SORCS3: variants seen among roughly 807,000 people sequenced by gnomAD.
SORCS3 encodes VPS10 domain-containing receptor SorCS3.
A neutral mutation model predicts 146.3 loss-of-function variants in SORCS3; 57 were observed. The observed-to-expected ratio is 0.39, with a 90% CI of 0.31 to 0.49. The LOEUF (loss-of-function observed/expected upper bound fraction) is 0.49. SORCS3 is among the 20% of genes least tolerant of loss of function. The probability of loss-of-function intolerance (pLI) is 0.92; values close to 1 mark genes in which losing one functional copy is unlikely to be tolerated. For missense variants in SORCS3, 1,341 were observed against 1,575.5 expected (o/e 0.85, Z 2.52); for synonymous variants, 653 against 618.5 (o/e 1.06, Z -0.83).
At chr10:104,643,709 G>GGTGTGTGTGT (rs3069967) in intron 1 of SORCS3, among the ~76,000 whole-genome samples, 2,109 of 144,652 alleles carry the variant, frequency 0.015, 35 homozygotes, top group African/African-American at 0.028. Context: ...TGATAATTAG[G>GGTGTGTGTGT]GTGTGTGTGT....
intron 11 of SORCS3, among the ~76,000 whole-genome samples, chr10:105,163,699 T>G (rs144798404): frequency 8.3e-4 from 127 of 152,278 alleles, no homozygotes; most frequent in Admixed American, 3.6e-3. Context: ...GGTCTAGGCA[T>G]AAGCCAGGTG....
chr10:105,242,504 A>ATATACATTTATATATTTATATACATT (rs1564793556), intron 20 of SORCS3, among the ~76,000 whole-genome samples: 6 of 87,346 alleles, frequency 6.9e-5, no homozygotes, highest in African/African-American at 1.4e-4. Context: ...ATATATATTT[A>ATATACATTTATATATTTATATACATT]TATATATTTA....
intron 20 of SORCS3, among the ~76,000 whole-genome samples, chr10:105,242,745 T>C (rs1251180137): frequency 9.5e-6 from 1 of 105,220 alleles, no homozygotes; most frequent in Non-Finnish European, 1.7e-5. Flanking sequence ...TTTATATATT[T>C]ATATATATTT....
In SORCS3 at chr10:105,201,330, A is replaced by T. The variant is rs928703849; in HGVS notation, c.2261+77A>T. On this transcript the variant is annotated intron_variant, in intron 16 of 26. Transcript: ENST00000369701. ...GTGGGGTGGGGTGGGGTGAAGATGAAGTTAGGAGAGGAAGCATGACGCAGA... is the reference window on the plus strand; with the variant it reads ...GTGGGGTGGGGTGGGGTGAAGATGATGTTAGGAGAGGAAGCATGACGCAGA... 1.3e-5 allele frequency: 19 copies of T among 1,509,254 alleles called. No homozygotes were observed. The Admixed American group carries it at 3.6e-4, about 29-fold the overall frequency. The allele number at this position is 1,509,254 out of a possible 1,614,324, so 93.5% of individuals were successfully genotyped here.
chr10:104,943,357 C>G (rs1316748789), intron 3 of SORCS3, among the ~76,000 whole-genome samples: 1 of 152,124 alleles, frequency 6.6e-6, no homozygotes, highest in Non-Finnish European at 1.5e-5. Context: ...AACTCCTGAG[C>G]TAAGGCAATC....
chr10:104,969,760 C>G (rs1014515464), intron 3 of SORCS3, among the ~76,000 whole-genome samples: 2 of 152,108 alleles, frequency 1.3e-5, no homozygotes, highest in Non-Finnish European at 2.9e-5. Context: ...ATAAATGCAG[C>G]ATCTCTGTAT....
At position 104,641,390 on chromosome 10, in the gene SORCS3, G is replaced by A. The variant is rs1279983737; in HGVS notation, c.63G>A (p.Gly21=). 2.1e-6 allele frequency: 3 copies of A among 1,452,604 alleles called. No homozygotes were observed. The highest frequency in any genetic ancestry group is 2.7e-5 in the South Asian group (2 of 75,034). 90.0% of individuals were successfully genotyped at this position (1,452,604 alleles called of 1,614,324 possible). ...CGGGGGCGCCGCTTGTCCGGACGGGGCTCCTACTCTTGTCGACGTGGGTCC... is the reference window on the plus strand; with the variant it reads ...CGGGGGCGCCGCTTGTCCGGACGGGACTCCTACTCTTGTCGACGTGGGTCC... The part of the protein sequence containing the change: ...GRPGAPLVRT[G]LLLLSTWVLA... The change falls in exon 1 of 27, where the codon GGG becomes GGA. Residue 21 remains glycine, a synonymous_variant. Coordinates refer to ENST00000369701, the MANE Select transcript of SORCS3 (RefSeq NM_014978.3). This position sits in a 1 kb window ranked among gnomAD's most constrained non-coding sequence, Gnocchi z 6.4.
chr10:104,764,790 C>T (rs1406867333), intron 1 of SORCS3, among the ~76,000 whole-genome samples: 3 of 152,150 alleles, frequency 2.0e-5, no homozygotes, highest in Non-Finnish European at 2.9e-5. Context: ...TCATATGAAT[C>T]AGTTCCCTAA....
intron 19 of SORCS3, among the ~76,000 whole-genome samples, chr10:105,221,982 G>GA (rs969110231): frequency 7.2e-6 from 1 of 138,504 alleles, no homozygotes. Flanking sequence ...GAAAAAGGGA[G>GA]AAAAAATCTT....
intron 7 of SORCS3, among the ~76,000 whole-genome samples, chr10:105,120,933 G>A (rs1434571715): frequency 6.6e-6 from 1 of 152,120 alleles, no homozygotes; most frequent in Non-Finnish European, 1.5e-5. Flanking sequence ...GTGGTGGTAA[G>A]CGTGCTGTGC....
At chr10:105,141,563 T>G (rs1041299340) in intron 8 of SORCS3, among the ~76,000 whole-genome samples, 1 of 152,204 alleles carries the variant, frequency 6.6e-6, no homozygotes, top group Non-Finnish European at 1.5e-5. Flanking sequence ...CTCGCACCTC[T>G]GCTCCCAGCT....
chr10:105,036,924 C>A (rs1192735617), intron 4 of SORCS3, among the ~76,000 whole-genome samples: 1 of 152,140 alleles, frequency 6.6e-6, no homozygotes, highest in African/African-American at 2.4e-5. Flanking sequence ...AAAGAATCAG[C>A]ACAGTTATAC....
intron 3 of SORCS3, among the ~76,000 whole-genome samples, chr10:104,938,960 G>A (rs767642866): frequency 6.6e-6 from 1 of 152,206 alleles, no homozygotes; most frequent in Non-Finnish European, 1.5e-5. Flanking sequence ...TTTGCTTCAG[G>A]TTTTATCCCA....
intron 5 of SORCS3, among the ~76,000 whole-genome samples, chr10:105,047,134 G>C (rs754557019): frequency 6.6e-6 from 1 of 151,528 alleles, no homozygotes; most frequent in Non-Finnish European, 1.5e-5. Flanking sequence ...TCTGCAGTGG[G>C]AAGATTTTTT....
chr10:104,725,039 G>A (rs1005357692), intron 1 of SORCS3, among the ~76,000 whole-genome samples: 1 of 152,218 alleles, frequency 6.6e-6, no homozygotes, highest in Admixed American at 6.5e-5. Context: ...TCCTTTGGAG[G>A]AGGAGAGGTG....
chr10:104,658,876 T>G (rs556894837), intron 1 of SORCS3, among the ~76,000 whole-genome samples: 37 of 152,232 alleles, frequency 2.4e-4, no homozygotes, highest in African/African-American at 8.9e-4. Context: ...GTTTTTGTTT[T>G]TTTTTTGGTT....
chr10:104,728,587 C>G (rs542872265), intron 1 of SORCS3, among the ~76,000 whole-genome samples: 1 of 152,298 alleles, frequency 6.6e-6, no homozygotes, highest in East Asian at 1.9e-4. Context: ...ATATACTGCA[C>G]TAAATATGAG....
At chr10:104,981,929 C>G (rs1265197310) in intron 4 of SORCS3, among the ~76,000 whole-genome samples, 1 of 152,150 alleles carries the variant, frequency 6.6e-6, no homozygotes, top group Non-Finnish European at 1.5e-5. Context: ...GGATTGCAGA[C>G]TCCATTGTTT....
intron 10 of SORCS3, among the ~76,000 whole-genome samples, chr10:105,158,007 T>C (rs552155240): frequency 6.6e-6 from 1 of 152,370 alleles, no homozygotes; most frequent in East Asian, 1.9e-4. Context: ...CTAGACCCTA[T>C]GTTAAAAATT....
Sources: allele counts gnomAD v4.1 joint callset (sites outside exome capture counted in the v4.1 genomes callset), GRCh38; gene constraint gnomAD v4.1.1; non-coding constraint Gnocchi (gnomAD v3.1); transcripts MANE v1.5; gene names NCBI Gene and HGNC (gene_info 2026-07-23, HGNC 2026-07-21).